The following KCNK2 variants were observed in gnomAD, a reference collection of about 807,000 sequenced individuals.
KCNK2 encodes potassium two pore domain channel subfamily K member 2, also known as potassium channel subfamily K member 2.
KCNK2 carries 21 observed loss-of-function variants against 40.5 expected under a neutral mutation model. The observed-to-expected ratio is 0.52, with a 90% CI of 0.37 to 0.75. KCNK2 has a LOEUF of 0.75. KCNK2 is among the 30% of genes least tolerant of loss of function. KCNK2 has a pLI of 0.00. For missense variants in KCNK2, 399 were observed against 531.6 expected (o/e 0.75, Z 2.45); for synonymous variants, 191 against 202.2 (o/e 0.94, Z 0.47).
At chr1:215,025,824 CAT>C (rs1457779757) in intron 1 of KCNK2, among the ~76,000 whole-genome samples, 1 of 152,060 alleles carries the variant, frequency 6.6e-6, no homozygotes, top group African/African-American at 2.4e-5. Context: ...TCTGGATTCA[CAT>C]GTCCTTATTT....
intron 6 of KCNK2, among the ~76,000 whole-genome samples, chr1:215,221,738 T>A (rs1311427872): frequency 6.6e-6 from 1 of 152,190 alleles, no homozygotes; most frequent in Non-Finnish European, 1.5e-5. Flanking sequence ...AAATGCATAT[T>A]GTTCAGGAAT....
intron 1 of KCNK2, among the ~76,000 whole-genome samples, chr1:215,069,073 TAGC>T (rs1343551001): frequency 6.6e-6 from 1 of 152,186 alleles, no homozygotes; most frequent in East Asian, 1.9e-4. Flanking sequence ...CAGTTTCAGA[TAGC>T]AGCAGTACAA....
chr1:215,156,081 G>GTGTGTA (rs1553268421), intron 3 of KCNK2, among the ~76,000 whole-genome samples: 52 of 150,954 alleles, frequency 3.4e-4, no homozygotes, highest in Admixed American at 3.2e-3. Flanking sequence ...GTGTGTGTGT[G>GTGTGTA]TATATATATA....
intron 3 of KCNK2, among the ~76,000 whole-genome samples, chr1:215,128,640 C>A (rs1012151542): frequency 6.6e-6 from 1 of 152,126 alleles, no homozygotes; most frequent in Non-Finnish European, 1.5e-5. Context: ...TGGATTTGAA[C>A]TGTGACTTGA....
At chr1:215,083,518 C>G in intron 1 of KCNK2, 87 bp downstream of exon 1, 4 of 967,130 alleles carry the variant, frequency 4.1e-6, no homozygotes, top group Non-Finnish European at 5.0e-6. Flanking sequence ...AATGCCCCCT[C>G]TCAGCAAGCG....
intron 2 of KCNK2, among the ~76,000 whole-genome samples, chr1:215,118,632 G>T (rs1661050832): frequency 6.6e-6 from 1 of 152,148 alleles, no homozygotes; most frequent in South Asian, 2.1e-4. Flanking sequence ...TGTTTCAGGA[G>T]CTGTGTTACT....
chr1:215,122,173 G>T (rs1017919550), intron 2 of KCNK2, among the ~76,000 whole-genome samples: 1 of 151,974 alleles, frequency 6.6e-6, no homozygotes, highest in Non-Finnish European at 1.5e-5. Context: ...AATACATAGA[G>T]ATTCATACCA....
chr1:215,203,767 A>G (rs965630616), intron 6 of KCNK2, among the ~76,000 whole-genome samples: 1 of 152,076 alleles, frequency 6.6e-6, no homozygotes, highest in Non-Finnish European at 1.5e-5. Flanking sequence ...TGGATATTCT[A>G]TGGACTTTTT....
intron 3 of KCNK2, among the ~76,000 whole-genome samples, chr1:215,127,096 C>A (rs1661471483): frequency 6.6e-6 from 1 of 152,076 alleles, no homozygotes; most frequent in Admixed American, 6.6e-5. Flanking sequence ...GAAATTATGA[C>A]CTTTAGCAAT....
chr1:215,037,385 G>T (rs1657424599), intron 1 of KCNK2, among the ~76,000 whole-genome samples: 1 of 151,810 alleles, frequency 6.6e-6, no homozygotes, highest in South Asian at 2.1e-4. Flanking sequence ...AAGTCTGATT[G>T]GTTGTGATGA....
intron 6 of KCNK2, among the ~76,000 whole-genome samples, chr1:215,227,725 CAT>C (rs1666445286): frequency 2.0e-5 from 3 of 152,028 alleles, no homozygotes; most frequent in Non-Finnish European, 2.9e-5. Flanking sequence ...AAGTAATACA[CAT>C]GAGACAAAAT....
At chr1:215,060,477 G>A (rs1467162726) in intron 1 of KCNK2, among the ~76,000 whole-genome samples, 1 of 152,114 alleles carries the variant, frequency 6.6e-6, no homozygotes, top group African/African-American at 2.4e-5. Context: ...GTTCCCAAAG[G>A]ACTGAGTAAC....
At chr1:215,128,027 T>C (rs1159063599) in intron 3 of KCNK2, among the ~76,000 whole-genome samples, 1 of 152,190 alleles carries the variant, frequency 6.6e-6, no homozygotes, top group East Asian at 1.9e-4. Flanking sequence ...CAGGGAGAAG[T>C]GTGAATAAAT....
intron 1 of KCNK2, among the ~76,000 whole-genome samples, chr1:215,039,341 G>A (rs574979564): frequency 2.0e-5 from 3 of 152,062 alleles, no homozygotes; most frequent in African/African-American, 2.4e-5. Context: ...AGGGTAGCTC[G>A]ATCAGCCACT....
chr1:215,217,972 C>T (rs193116262), intron 6 of KCNK2, among the ~76,000 whole-genome samples: 1 of 152,222 alleles, frequency 6.6e-6, no homozygotes, highest in Non-Finnish European at 1.5e-5. Context: ...TGATGATAGA[C>T]ATGAACCAGT....
intron 2 of KCNK2, among the ~76,000 whole-genome samples, chr1:215,122,740 CTTTT>C (rs564207038): frequency 8.3e-5 from 10 of 120,362 alleles, no homozygotes; most frequent in East Asian, 2.4e-4. Flanking sequence ...CATTCATAAT[CTTTT>C]TTTTTTTTTT....
chr1:215,221,370 T>C (rs1386629609), intron 6 of KCNK2, among the ~76,000 whole-genome samples: 1 of 151,992 alleles, frequency 6.6e-6, no homozygotes, highest in African/African-American at 2.4e-5. Context: ...TGAGACTCCA[T>C]CTCAAAAGAA....
intron 3 of KCNK2, among the ~76,000 whole-genome samples, chr1:215,138,629 G>C (rs545835195): frequency 6.6e-6 from 1 of 152,076 alleles, no homozygotes; most frequent in African/African-American, 2.4e-5. Flanking sequence ...TGGCTACAGT[G>C]AGCCATAATC....
chr1:215,050,543 C>G (rs12078139), intron 1 of KCNK2, among the ~76,000 whole-genome samples: 8 of 151,750 alleles, frequency 5.3e-5, no homozygotes, highest in Non-Finnish European at 1.2e-4. Flanking sequence ...AGGGAGCATA[C>G]AGAGAGAGAA....
Sources: allele counts gnomAD v4.1 joint callset (sites outside exome capture counted in the v4.1 genomes callset), GRCh38; gene constraint gnomAD v4.1.1; transcripts MANE v1.5; gene names NCBI Gene and HGNC (gene_info 2026-07-23, HGNC 2026-07-21).